SLCO1C1: variants seen among roughly 807,000 people sequenced by gnomAD.
SLCO1C1 encodes the protein OAT-RP-5.
SLCO1C1 carries 70 observed loss-of-function variants against 76.4 expected under a neutral mutation model. The ratio of observed to expected loss-of-function variants is 0.92; its 90% CI spans 0.76 to 1.12. The LOEUF (loss-of-function observed/expected upper bound fraction) is 1.12, where lower values mean the gene tolerates loss of function less well. Among genes scored for constraint, SLCO1C1 ranks in the 50% most tolerant of loss-of-function variants. SLCO1C1 has a pLI of 0.00. For synonymous variants in SLCO1C1, 306 were observed against 286.1 expected (o/e 1.07, Z -0.70); for missense variants, 912 against 823.8 (o/e 1.11, Z -1.31).
chr12:20,709,221 C>T (rs1238541948), intron 4 of SLCO1C1, among the ~76,000 whole-genome samples: 1 of 152,178 alleles, frequency 6.6e-6, no homozygotes, highest in African/African-American at 2.4e-5. Context: ...ACTTTTGTCT[C>T]TTCTCCAACA....
At chr12:20,742,781 C>T (rs1829003) in intron 12 of SLCO1C1, among the ~76,000 whole-genome samples, 65,984 of 150,914 alleles carry the variant, frequency 0.44, 17,132 homozygotes, top group South Asian at 0.63. Flanking sequence ...ACCTCGTGAT[C>T]GCCTCGGCCT....
chr12:20,715,631 T>C (rs111896906), intron 6 of SLCO1C1, among the ~76,000 whole-genome samples: 2 of 152,316 alleles, frequency 1.3e-5, no homozygotes, highest in African/African-American at 4.8e-5. Flanking sequence ...CATTTTAGTT[T>C]ATTTAAAAGT....
chr12:20,747,744 C>T (rs1481691021), intron 13 of SLCO1C1, among the ~76,000 whole-genome samples: 1 of 152,004 alleles, frequency 6.6e-6, no homozygotes, highest in African/African-American at 2.4e-5. Context: ...AAATTTTCTG[C>T]TCTTCTTGTT....
chr12:20,711,576 A>G, intron 5 of SLCO1C1, 66 bp downstream of exon 5: 1 of 1,544,068 alleles, frequency 6.5e-7, no homozygotes, highest in South Asian at 1.2e-5. Flanking sequence ...GTGCTTTAGG[A>G]TGGACAAAAG....
chr12:20,735,592 A>T (rs1430771008), intron 10 of SLCO1C1, among the ~76,000 whole-genome samples: 2 of 152,164 alleles, frequency 1.3e-5, no homozygotes, highest in Non-Finnish European at 2.9e-5. Flanking sequence ...AGGATTAAAC[A>T]TTCCTATAGC....
chr12:20,741,603 A>G (rs1948818283), intron 12 of SLCO1C1, among the ~76,000 whole-genome samples: 1 of 152,104 alleles, frequency 6.6e-6, no homozygotes, highest in Non-Finnish European at 1.5e-5. Context: ...ATCATCATTC[A>G]ACTTCCCTAC....
chr12:20,713,237 G>A (rs1210652655), intron 5 of SLCO1C1, among the ~76,000 whole-genome samples: 1 of 151,500 alleles, frequency 6.6e-6, no homozygotes, highest in Non-Finnish European at 1.5e-5. Flanking sequence ...CCGCTACCAC[G>A]CCCGGCTAAT....
At chr12:20,737,354 C>A in intron 11 of SLCO1C1, 82 bp downstream of exon 11, 1 of 1,390,888 alleles carries the variant, frequency 7.2e-7, no homozygotes, top group South Asian at 1.5e-5. Flanking sequence ...CACAGCAGAC[C>A]ACTACTAGTA....
intron 9 of SLCO1C1, 33 bp downstream of exon 9, chr12:20,723,287 G>A (rs368772984): frequency 2.5e-6 from 4 of 1,608,558 alleles, no homozygotes; most frequent in South Asian, 1.1e-5. Flanking sequence ...CTTTCTCAGA[G>A]GGACTGTCTT....
chr12:20,731,970 G>GT (rs1451440661), intron 9 of SLCO1C1, among the ~76,000 whole-genome samples: 2 of 152,142 alleles, frequency 1.3e-5, no homozygotes, highest in Admixed American at 1.3e-4. Context: ...GAGGAGACAG[G>GT]TTTAGAGACA....
chr12:20,696,410 G>C (rs537563874), intron 1 of SLCO1C1, among the ~76,000 whole-genome samples: 1 of 152,244 alleles, frequency 6.6e-6, no homozygotes, highest in South Asian at 2.1e-4. Flanking sequence ...TTGCTGGACA[G>C]AGTCCGAGTC....
Position 20,705,964 on chromosome 12 carries a change from TA to T in SLCO1C1, c.289del (p.Thr97HisfsTer15). ...TTCCTCAAAGGGAATCTCTTAGTTATAACATTTGTTAGCTACTTTGGAGCCA... is the reference window on the plus strand; with the variant it reads ...TTCCTCAAAGGGAATCTCTTAGTTATACATTTGTTAGCTACTTTGGAGCCA... ...GSFEIGNLLVITFVSYFGAKL... is the reference protein window; with the variant it reads ...GSFEIGNLLVXTFVSYFGAKL... On this transcript the variant is annotated frameshift_variant, in exon 4 of 15. Coordinates refer to ENST00000266509, the MANE Select transcript of SLCO1C1 (RefSeq NM_017435.5). LOFTEE classifies it high-confidence loss of function. 1 of 1,613,200 alleles carries T rather than the reference TA, an allele frequency of 6.2e-7. No homozygotes were observed. Among genetic ancestry groups the T allele is most frequent in the Non-Finnish European group, 8.5e-7 (1 of 1,179,344 alleles).
intron 4 of SLCO1C1, 78 bp downstream of exon 4, chr12:20,706,159 G>T: frequency 3.4e-6 from 5 of 1,459,430 alleles, no homozygotes; most frequent in East Asian, 5.0e-5. Context: ...TATTAATTAT[G>T]CAAATTTAAG....
intron 1 of SLCO1C1, among the ~76,000 whole-genome samples, chr12:20,696,296 G>C (rs1020372714): frequency 3.3e-5 from 5 of 152,146 alleles, no homozygotes; most frequent in African/African-American, 1.2e-4. Flanking sequence ...GTGTCCAGAA[G>C]TCAAGCCAGG....
At chr12:20,701,010 A>G (rs1946495970) in intron 2 of SLCO1C1, among the ~76,000 whole-genome samples, 1 of 152,038 alleles carries the variant, frequency 6.6e-6, no homozygotes, top group African/African-American at 2.4e-5. Context: ...CTGACTCTTC[A>G]ATGTAAGACT....
chr12:20,725,106 G>A (rs1174106213), intron 9 of SLCO1C1, among the ~76,000 whole-genome samples: 1 of 131,680 alleles, frequency 7.6e-6, no homozygotes, highest in Non-Finnish European at 1.6e-5. Context: ...TATACAACAT[G>A]ATATATAACT....
At chr12:20,729,242 T>C (rs1948163309) in intron 9 of SLCO1C1, among the ~76,000 whole-genome samples, 1 of 152,180 alleles carries the variant, frequency 6.6e-6, no homozygotes, top group South Asian at 2.1e-4. Flanking sequence ...ATACATCCTG[T>C]GAAATTTGAA....
At chr12:20,727,289 A>G (rs1422741798) in intron 9 of SLCO1C1, among the ~76,000 whole-genome samples, 1 of 152,178 alleles carries the variant, frequency 6.6e-6, no homozygotes, top group Non-Finnish European at 1.5e-5. Context: ...TGTTCTCCAA[A>G]ATAGCTGGAC....
intron 9 of SLCO1C1, among the ~76,000 whole-genome samples, chr12:20,727,658 C>T (rs1311585839): frequency 3.3e-5 from 5 of 152,078 alleles, no homozygotes; most frequent in East Asian, 1.9e-4. Context: ...TACAGGCGCC[C>T]GCCACCACGC....
Sources: gnomAD v4.1 joint callset for allele counts (sites outside exome capture counted in the v4.1 genomes callset) on GRCh38, gnomAD v4.1.1 for gene constraint, MANE v1.5 for transcripts, NCBI Gene and HGNC (gene_info 2026-07-23, HGNC 2026-07-21) for gene names.